Variants in CACNB2 observed in about 807,000 individuals in gnomAD.
CACNB2 encodes the protein calcium voltage-gated channel auxiliary subunit beta 2.
Under a neutral mutation model 73.3 loss-of-function variants are expected in CACNB2, and 42 were observed. That is an observed-to-expected ratio of 0.57 (90% CI 0.45 to 0.74). The LOEUF is 0.74. CACNB2 is among the 30% of genes least tolerant of loss of function. The pLI is 0.00. For synonymous variants in CACNB2, 348 were observed against 310.3 expected, an observed-to-expected ratio of 1.12 and a Z score of -1.28; for missense variants, 940 against 853.0, an observed-to-expected ratio of 1.10 and a Z score of -1.27.
At chr10:18,276,668 C>G (rs775247383) in intron 2 of CACNB2, among the ~76,000 whole-genome samples, 3 of 151,996 alleles carry the variant, frequency 2.0e-5, no homozygotes, top group Non-Finnish European at 4.4e-5. Flanking sequence ...AACGTCTGAC[C>G]CCCAGGTTCA....
intron 2 of CACNB2, among the ~76,000 whole-genome samples, chr10:18,160,138 A>G (rs1044890375): frequency 2.0e-5 from 3 of 151,960 alleles, no homozygotes; most frequent in Middle Eastern, 3.4e-3. Flanking sequence ...ACTTCAACAT[A>G]TAATTAATTT....
chr10:18,223,189 G>C (rs1047889749), intron 2 of CACNB2, among the ~76,000 whole-genome samples: 43 of 152,114 alleles, frequency 2.8e-4, no homozygotes, highest in African/African-American at 1.0e-3. Flanking sequence ...TGATTTTGAT[G>C]CCTTTTGCTT....
intron 2 of CACNB2, among the ~76,000 whole-genome samples, chr10:18,398,773 C>T (rs1375540255): frequency 6.6e-6 from 1 of 151,934 alleles, no homozygotes; most frequent in Middle Eastern, 3.2e-3. Context: ...GGTAATCCAG[C>T]TCTTTCTATG....
intron 2 of CACNB2, among the ~76,000 whole-genome samples, chr10:18,322,959 CTT>C (rs35664294): frequency 1.6e-4 from 17 of 106,304 alleles, no homozygotes; most frequent in Non-Finnish European, 1.1e-4. Flanking sequence ...TGGTGATATT[CTT>C]TTTTTTTTTT....
intron 2 of CACNB2, among the ~76,000 whole-genome samples, chr10:18,315,887 T>C (rs2040164429): frequency 6.6e-6 from 1 of 152,238 alleles, no homozygotes; most frequent in Non-Finnish European, 1.5e-5. Context: ...AAAGTCATGC[T>C]GCTGACACCA....
chr10:18,496,706 C>T (rs1032603957), intron 3 of CACNB2, among the ~76,000 whole-genome samples: 19 of 144,500 alleles, frequency 1.3e-4, no homozygotes, highest in African/African-American at 3.7e-4. Flanking sequence ...CCCAGCAACT[C>T]GGGAGGCTGA....
intron 2 of CACNB2, among the ~76,000 whole-genome samples, chr10:18,270,885 TA>T (rs1247420123): frequency 6.6e-6 from 1 of 152,172 alleles, no homozygotes; most frequent in East Asian, 1.9e-4. Flanking sequence ...ACTCAAGACG[TA>T]ATGGTTGAAT....
In CACNB2 at chr10:18,140,516, G is replaced by A. The variant is rs914236325; in HGVS notation, c.-221G>A. ...GCCGCGCCCCCGCGTCCCGCCTCCC[G>A]AGCGGCTCGCTTCGCCCGATGCCCC... On this transcript the variant is annotated 5_prime_UTR_variant, in exon 1 of 14. Transcript: ENST00000324631. Among the ~76,000 whole-genome samples the A allele has an allele frequency of 3.3e-5, 5 of 151,648 alleles. No individual in the cohort carries two copies. Among genetic ancestry groups the A allele is most frequent in the African/African-American group, 1.2e-4 (5 of 41,378 alleles).
At chr10:18,347,823 G>T (rs1308599879) in intron 2 of CACNB2, among the ~76,000 whole-genome samples, 1 of 152,112 alleles carries the variant, frequency 6.6e-6, no homozygotes, top group Non-Finnish European at 1.5e-5. Flanking sequence ...CCAGGTTGAG[G>T]ACTATTTTCG....
At chr10:18,448,023 G>T (rs1329653401) in intron 3 of CACNB2, among the ~76,000 whole-genome samples, 2 of 152,076 alleles carry the variant, frequency 1.3e-5, no homozygotes, top group African/African-American at 4.8e-5. Context: ...ATAGGGTCTT[G>T]CTCTGTTGCC....
intron 3 of CACNB2, among the ~76,000 whole-genome samples, chr10:18,454,508 T>G (rs11014299): frequency 0.21 from 26,501 of 128,946 alleles, 2,504 homozygotes; most frequent in East Asian, 0.28. Context: ...AGTAAGATTG[T>G]TTTTTTACCC....
chr10:18,450,578 GC>G (rs1442727000), intron 3 of CACNB2, among the ~76,000 whole-genome samples: 1 of 151,428 alleles, frequency 6.6e-6, no homozygotes, highest in African/African-American at 2.4e-5. Context: ...GGGAGAGGGA[GC>G]AAAATAGTGT....
At position 18,410,682 on chromosome 10, in the gene CACNB2, G is replaced by A. The variant is rs536261003; in HGVS notation, c.333+8639G>A. On this transcript the variant is annotated intron_variant, in intron 3 of 13. Coordinates refer to ENST00000324631, the MANE Select transcript of CACNB2 (RefSeq NM_201596.3). ...TGTGAAACTAGAGGGCTACTTATGG[G>A]GAAAAAAAAAATGTGTTGGCTGGGC... 1.3e-4 allele frequency among the ~76,000 whole-genome samples: 19 copies of A among 151,952 alleles called. No homozygotes were observed. In the South Asian group the frequency reaches 3.9e-3, roughly 32 times the overall value.
At chr10:18,300,031 T>A (rs1245459407) in intron 2 of CACNB2, among the ~76,000 whole-genome samples, 1 of 151,898 alleles carries the variant, frequency 6.6e-6, no homozygotes, top group African/African-American at 2.4e-5. Flanking sequence ...TTTTTTTTTT[T>A]TTATTTTGAG....
chr10:18,493,089 G>C (rs1028668827), intron 3 of CACNB2, among the ~76,000 whole-genome samples: 4 of 152,128 alleles, frequency 2.6e-5, no homozygotes, highest in Non-Finnish European at 5.9e-5. Flanking sequence ...TTTGCATAGC[G>C]TTTACCTTGT....
chr10:18,171,369 G>T (rs186561646), intron 2 of CACNB2, among the ~76,000 whole-genome samples: 1 of 151,670 alleles, frequency 6.6e-6, no homozygotes, highest in Non-Finnish European at 1.5e-5. Context: ...TAACAGTCAG[G>T]GGTATTCCTG....
At position 18,498,340 on chromosome 10, in the gene CACNB2, C is replaced by T. The variant is rs555514946; in HGVS notation, c.334-15C>T. The T allele has an allele frequency of 6.2e-7, 1 of 1,613,998 alleles. No homozygotes were observed. Among genetic ancestry groups the T allele is most frequent in the East Asian group, 2.2e-5 (1 of 44,860 alleles). On this transcript the variant is annotated splice_polypyrimidine_tract_variant and intron_variant, in intron 3 of 13. Transcript: ENST00000324631. ...TTTGCTCTTATTTTTTTCCCTCTTC[C>T]TTTTCCCACTTTAGACAAAGCCCGT...
At chr10:18,483,817 C>T (rs187992243) in intron 3 of CACNB2, among the ~76,000 whole-genome samples, 9 of 152,200 alleles carry the variant, frequency 5.9e-5, no homozygotes, top group African/African-American at 2.2e-4. Flanking sequence ...TAAATAAGTA[C>T]AGAATAGACA....
intron 2 of CACNB2, among the ~76,000 whole-genome samples, chr10:18,243,851 T>C (rs2036758564): frequency 6.6e-6 from 1 of 152,170 alleles, no homozygotes. Context: ...CAAATAAACC[T>C]CTTTTCTTTA....
Sources: gnomAD v4.1 joint callset for allele counts (sites outside exome capture counted in the v4.1 genomes callset) on GRCh38, gnomAD v4.1.1 for gene constraint, MANE v1.5 for transcripts, NCBI Gene and HGNC (gene_info 2026-07-23, HGNC 2026-07-21) for gene names.